Variants in CPSF6 observed in about 807,000 individuals in gnomAD.
CPSF6 encodes the protein cleavage and polyadenylation specific factor 6.
Under a neutral mutation model 56.7 loss-of-function variants are expected in CPSF6, and 10 were observed. That is an observed-to-expected ratio of 0.18 (90% CI 0.11 to 0.30). CPSF6 has a LOEUF of 0.30. CPSF6 is among the 10% of genes least tolerant of loss of function. The pLI is 1.00. For missense variants in CPSF6, 419 were observed against 722.9 expected, an observed-to-expected ratio of 0.58 and a Z score of 4.82; for synonymous variants, 248 against 244.8, an observed-to-expected ratio of 1.01 and a Z score of -0.12.
At position 69,270,131 on chromosome 12, in the gene CPSF6, G is replaced by C. The variant is rs900822208; in HGVS notation, c.*623G>C. ...TAAACATAGTAATTAAGTGTCTTTT[G>C]CCCTTGATTTTGATATTAGAATAGG... On this transcript the variant is annotated 3_prime_UTR_variant, in exon 10 of 10. Transcript: ENST00000435070. The C allele has an allele frequency of 3.3e-5, 5 of 152,000 alleles. No homozygotes were observed. Among genetic ancestry groups the C allele is most frequent in the African/African-American group, 1.2e-4 (5 of 41,364 alleles). The allele number at this position is 152,000 out of a possible 1,614,324, so 9.4% of individuals were successfully genotyped here.
intron 1 of CPSF6, among the ~76,000 whole-genome samples, chr12:69,249,168 G>GGGGGGGGGGGGGGGGGGGGGGC (rs1565644117): frequency 5.9e-5 from 2 of 33,870 alleles, no homozygotes; most frequent in Admixed American, 2.8e-4. Context: ...GGGGGGGGGG[G>GGGGGGGGGGGGGGGGGGGGGGC]GCTGAGGCAG....
chr12:69,251,081 T>TATA, intron 1 of CPSF6, 48 bp from the exon 2 acceptor site: 1 of 1,535,090 alleles, frequency 6.5e-7, no homozygotes, highest in Non-Finnish European at 8.8e-7. Flanking sequence ...TCTATTTTAG[T>TATA]AGTATTTTGA....
intron 7 of CPSF6, among the ~76,000 whole-genome samples, chr12:69,259,788 G>A (rs1479384602): frequency 6.6e-6 from 1 of 152,004 alleles, no homozygotes. Flanking sequence ...ATGGTTCAGG[G>A]GCCTCATGAC....
intron 1 of CPSF6, among the ~76,000 whole-genome samples, chr12:69,243,517 C>T (rs1565641678): frequency 6.6e-6 from 1 of 152,190 alleles, no homozygotes; most frequent in Admixed American, 6.5e-5. Flanking sequence ...TGCTCCTAGG[C>T]TACAAACTTG....
Position 69,259,432 on chromosome 12 carries a change from A to G in CPSF6, c.1204A>G (p.Met402Val). The stretch of plus-strand genomic sequence containing the variant: ...GTTTATGTTTTTGTTTTACAGGGAA[A>G]TGGATACTGCAAGAACGCCATTGAG... ...RGDYGPPGRE[M>V]DTARTPLSEA... The change falls in exon 7 of 10, where the codon ATG becomes GTG. Residue 402 changes from methionine (M) to valine (V), a missense_variant. Physicochemically the swap from Met to Val is conservative, Grantham distance 21. Transcript: ENST00000435070. 2 of 1,611,910 alleles carry G rather than the reference A, an allele frequency of 1.2e-6. No individual in the cohort carries two copies. Among genetic ancestry groups the G allele is most frequent in the Non-Finnish European group, 1.7e-6 (2 of 1,179,296 alleles).
intron 7 of CPSF6, 84 bp from the exon 8 acceptor site, chr12:69,259,960 C>A: frequency 7.9e-6 from 11 of 1,385,596 alleles, no homozygotes; most frequent in Non-Finnish European, 1.0e-5. Flanking sequence ...TTGTAAAATG[C>A]CTTATCACTC....
chr12:69,250,502 G>A, intron 1 of CPSF6, among the ~76,000 whole-genome samples: 1 of 148,744 alleles, frequency 6.7e-6, no homozygotes, highest in Non-Finnish European at 1.5e-5. Context: ...AGTGGCTCAA[G>A]CCTATATTTG....
intron 1 of CPSF6, among the ~76,000 whole-genome samples, chr12:69,249,591 G>A (rs1872126711): frequency 6.6e-6 from 1 of 152,136 alleles, no homozygotes; most frequent in Non-Finnish European, 1.5e-5. Context: ...TATGTCAGAT[G>A]TTCTATGTCA....
At chr12:69,239,732 G>T (rs369428443) in intron 1 of CPSF6, 26 bp downstream of exon 1, 30 of 1,563,266 alleles carry the variant, frequency 1.9e-5, no homozygotes, top group Non-Finnish European at 2.6e-5. Flanking sequence ...GGTCCCCGCC[G>T]CCGACGCGGG....
At chr12:69,261,258 T>C (rs970263235) in intron 8 of CPSF6, among the ~76,000 whole-genome samples, 3 of 152,114 alleles carry the variant, frequency 2.0e-5, no homozygotes, top group Non-Finnish European at 2.9e-5. Flanking sequence ...GTCATAGATA[T>C]AGTTATCTTG....
chr12:69,248,006 C>T lies in CPSF6; in HGVS notation c.61-3123C>T, dbSNP rs1248911761. On this transcript the variant is annotated intron_variant, in intron 1 of 9. Coordinates refer to ENST00000435070, the MANE Select transcript of CPSF6 (RefSeq NM_007007.3). The stretch of plus-strand genomic sequence containing the variant: ...CCAGGACCATGGTCTTAATTAGGAT[C>T]GTACTACAACCACTTGGAAGCAGTA... 2.6e-5 allele frequency among the ~76,000 whole-genome samples: 4 copies of T among 152,170 alleles called. No individual in the cohort carries two copies. In the East Asian group the frequency reaches 5.8e-4, roughly 22 times the overall value.
intron 1 of CPSF6, among the ~76,000 whole-genome samples, chr12:69,240,781 C>A (rs1446575602): frequency 6.7e-6 from 1 of 148,532 alleles, no homozygotes; most frequent in Non-Finnish European, 1.5e-5. Flanking sequence ...AGAGGTAACG[C>A]GGGGCTGTGA....
At chr12:69,239,788 A>AAGCTGACCCGGGGCCCGCTGCG in intron 1 of CPSF6, 82 bp downstream of exon 1, 1 of 1,369,742 alleles carries the variant, frequency 7.3e-7, no homozygotes, top group Non-Finnish European at 9.6e-7. Flanking sequence ...TGCGGCCGCG[A>AAGCTGACCCGGGGCCCGCTGCG]GCCGAAGCGA....
chr12:69,239,912 C>CCGCGGGGCCCGGAGCGCGGA lies in CPSF6; in HGVS notation c.60+213_60+232dup, dbSNP rs1362261825. On this transcript the variant is annotated intron_variant, in intron 1 of 9. Transcript: ENST00000435070. Reference sequence around the variant, plus strand: ...CACGGGCCGCGGGCGCGGCGAGTCGCCGCGGGGCCCGGAGCGCGGACGCGG... The same window carrying CCGCGGGGCCCGGAGCGCGGA: ...CACGGGCCGCGGGCGCGGCGAGTCGCCGCGGGGCCCGGAGCGCGGACGCGGGGCCCGGAGCGCGGACGCGG... 1.1e-4 allele frequency among the ~76,000 whole-genome samples: 17 copies of CCGCGGGGCCCGGAGCGCGGA among 149,566 alleles called. No homozygotes were observed. In the South Asian group the frequency reaches 1.7e-3, roughly 15 times the overall value.
Position 69,253,031 on chromosome 12 carries a change from A to C in CPSF6, c.271-20A>C, listed in dbSNP as rs1872325807. On this transcript the variant is annotated intron_variant, in intron 2 of 9. Transcript: ENST00000435070. ...CTTGGTTTTATTTTAATGGTTAATG[A>C]GGGGGAAAATATCTTGCAGTGGACA... The C allele has an allele frequency of 7.3e-7, 1 of 1,370,530 alleles. No individual in the cohort carries two copies. Among genetic ancestry groups the C allele is most frequent in the African/African-American group, 1.5e-5 (1 of 67,266 alleles). 84.9% of individuals were successfully genotyped at this position (1,370,530 alleles called of 1,614,324 possible).
rs1210200601 is a variant in CPSF6 at position 69,263,273 on chromosome 12, C to T, written c.*3+711C>T. ...AAGCCATATACCCAAGTTTAGAATA[C>T]CTTGAAATAATTTTCTTTGATGTTT... is the stretch of plus-strand genomic sequence containing the variant. On this transcript the variant is annotated intron_variant, in intron 9 of 9. Coordinates refer to ENST00000435070, the MANE Select transcript of CPSF6 (RefSeq NM_007007.3). 2.0e-5 allele frequency among the ~76,000 whole-genome samples: 3 copies of T among 151,870 alleles called. No individual in the cohort carries two copies. The East Asian group carries it at 5.8e-4, about 29-fold the overall frequency.
chr12:69,247,128 A>G (rs1324067328), intron 1 of CPSF6, among the ~76,000 whole-genome samples: 1 of 151,788 alleles, frequency 6.6e-6, no homozygotes, highest in Non-Finnish European at 1.5e-5. Context: ...TAGGGAAAAA[A>G]TGTCTAAAAG....
rs1872191782 is a variant in CPSF6 at position 69,250,612 on chromosome 12, A to AAAG, written c.61-515_61-514insGAA. 1.2e-4 allele frequency among the ~76,000 whole-genome samples: 6 copies of AAAG among 50,302 alleles called. 1 individual carries two copies. Among genetic ancestry groups the AAAG allele is most frequent in the Non-Finnish European group, 1.8e-4 (4 of 22,408 alleles). 33.0% of individuals were successfully genotyped at this position (50,302 alleles called of 152,430 possible). ...CTACAAAAAAAAAAAAAAAAAGAAAAAAAAGAAAAGAAATAAAGGAAACCC... is the reference window on the plus strand; with the variant it reads ...CTACAAAAAAAAAAAAAAAAAGAAAAAAGAAAAGAAAAGAAATAAAGGAAACCC... On this transcript the variant is annotated intron_variant, in intron 1 of 9. Transcript: ENST00000435070.
At chr12:69,241,835 T>C (rs1380680493) in intron 1 of CPSF6, among the ~76,000 whole-genome samples, 3 of 152,202 alleles carry the variant, frequency 2.0e-5, no homozygotes, top group Non-Finnish European at 4.4e-5. Flanking sequence ...GGCATTGTTT[T>C]TGCTACTTTG....
Sources: allele counts gnomAD v4.1 joint callset (sites outside exome capture counted in the v4.1 genomes callset), GRCh38; gene constraint gnomAD v4.1.1; transcripts MANE v1.5; gene names NCBI Gene and HGNC (gene_info 2026-07-23, HGNC 2026-07-21).